CNNM2: variants seen among roughly 807,000 people sequenced by gnomAD.
CNNM2 encodes the protein metal transporter CNNM2.
In CNNM2, 12 loss-of-function variants were observed where a neutral mutation model predicts 66.9. The observed-to-expected ratio is 0.18, with a 90% CI of 0.11 to 0.29. The LOEUF is 0.29. CNNM2 is among the 10% of genes least tolerant of loss of function. The pLI is 1.00. For synonymous variants in CNNM2, 557 were observed against 501.8 expected (o/e 1.11, Z -1.47); for missense variants, 705 against 1,167.7 (o/e 0.60, Z 5.77).
intron 1 of CNNM2, among the ~76,000 whole-genome samples, chr10:102,950,295 G>T (rs867006116): frequency 6.6e-5 from 10 of 152,226 alleles, no homozygotes; most frequent in Admixed American, 2.0e-4. Context: ...AGTTATGAAG[G>T]TTACAGTTTC....
intron 6 of CNNM2, among the ~76,000 whole-genome samples, chr10:103,072,889 A>G (rs148964882): frequency 1.6e-4 from 25 of 152,358 alleles, no homozygotes; most frequent in South Asian, 1.2e-3. Flanking sequence ...TTTGCGGACT[A>G]GGGCCGCCCC....
intron 6 of CNNM2, among the ~76,000 whole-genome samples, chr10:103,072,175 C>G (rs1473696041): frequency 6.6e-6 from 1 of 152,160 alleles, no homozygotes; most frequent in African/African-American, 2.4e-5. Context: ...GTTCTTGGTT[C>G]TTATTCTGAC....
chr10:103,008,257 CTG>C (rs1402007650), intron 1 of CNNM2, among the ~76,000 whole-genome samples: 6 of 152,082 alleles, frequency 3.9e-5, no homozygotes, highest in South Asian at 4.1e-4. Flanking sequence ...TCAGGATCAA[CTG>C]TGTAATTTGT....
At chr10:102,988,009 A>AT (rs1417230006) in intron 1 of CNNM2, among the ~76,000 whole-genome samples, 2 of 152,162 alleles carry the variant, frequency 1.3e-5, no homozygotes, top group Non-Finnish European at 2.9e-5. Context: ...ATTTAGAAAT[A>AT]TTGAAAAGGC....
intron 1 of CNNM2, among the ~76,000 whole-genome samples, chr10:102,971,167 A>C (rs1378597060): frequency 6.6e-6 from 1 of 151,266 alleles, no homozygotes; most frequent in Non-Finnish European, 1.5e-5. Context: ...CCATTTACAC[A>C]ATCCAGCCTG....
chr10:103,087,117 CTCACGGTA>C lies in CNNM2; in HGVS notation c.*9939_*9946del, dbSNP rs2065825871. 1 of 122,098 alleles carries C rather than the reference CTCACGGTA, an allele frequency of 8.2e-6. No homozygotes were observed. Among genetic ancestry groups the C allele is most frequent in the Non-Finnish European group, 1.6e-5 (1 of 60,760 alleles). The allele number at this position is 122,098 out of a possible 1,614,324, so 7.6% of individuals were successfully genotyped here. On this transcript the variant is annotated 3_prime_UTR_variant, in exon 8 of 8. Coordinates refer to ENST00000369878, the MANE Select transcript of CNNM2 (RefSeq NM_017649.5). ...TCAAAAGAAGTGGCAGAATGGTCTTCTCACGGTATAAAACTCCGCAGGATTTTTTTTTT... is the reference window on the plus strand; with the variant it reads ...TCAAAAGAAGTGGCAGAATGGTCTTCTAAAACTCCGCAGGATTTTTTTTTT...
At chr10:102,972,639 A>T (rs1043910184) in intron 1 of CNNM2, among the ~76,000 whole-genome samples, 3 of 152,160 alleles carry the variant, frequency 2.0e-5, no homozygotes, top group Admixed American at 2.0e-4. Flanking sequence ...GTCTCAAAAT[A>T]AAAAAAGCTC....
At chr10:103,039,156 T>C (rs2134314216) in intron 1 of CNNM2, among the ~76,000 whole-genome samples, 1 of 152,294 alleles carries the variant, frequency 6.6e-6, no homozygotes, top group African/African-American at 2.4e-5. Context: ...TTTTTTGCTT[T>C]TTTTTTGAGA....
intron 1 of CNNM2, among the ~76,000 whole-genome samples, chr10:103,002,633 C>T (rs1249368726): frequency 1.3e-5 from 2 of 152,088 alleles, no homozygotes; most frequent in Non-Finnish European, 2.9e-5. Flanking sequence ...GCATGCGCCA[C>T]CACACCCGGC....
At chr10:102,981,428 G>A (rs926545623) in intron 1 of CNNM2, among the ~76,000 whole-genome samples, 1 of 151,404 alleles carries the variant, frequency 6.6e-6, no homozygotes, top group Non-Finnish European at 1.5e-5. Context: ...CCCACATCAG[G>A]ATCTTTGTTG....
chr10:102,930,053 A>G (rs1846014573), intron 1 of CNNM2, among the ~76,000 whole-genome samples: 2 of 152,326 alleles, frequency 1.3e-5, no homozygotes, highest in East Asian at 3.9e-4. Context: ...CAAGAGAAGA[A>G]AAGAGCTATG....
intron 1 of CNNM2, among the ~76,000 whole-genome samples, chr10:102,990,055 A>G (rs1056270346): frequency 4.0e-5 from 6 of 150,580 alleles, no homozygotes; most frequent in Non-Finnish European, 7.4e-5. Context: ...AGCGATTCTC[A>G]TGCCTCAGCC....
In CNNM2 at chr10:102,947,192, A is replaced by C. The variant is rs569827734; in HGVS notation, c.1621+27091A>C. On this transcript the variant is annotated intron_variant, in intron 1 of 7. Coordinates refer to ENST00000369878, the MANE Select transcript of CNNM2 (RefSeq NM_017649.5). ...ATTTTAATCATTTTCCTACTGCTTC[A>C]TAGGTACTATAATCCTTTTATAGTT... Among the ~76,000 whole-genome samples, 3 of 152,266 alleles carry C rather than the reference A, an allele frequency of 2.0e-5. No homozygotes were observed. In the South Asian group the frequency reaches 6.2e-4, roughly 32 times the overall value.
chr10:103,052,559 G>T (rs1179626996), intron 2 of CNNM2, among the ~76,000 whole-genome samples: 1 of 150,746 alleles, frequency 6.6e-6, no homozygotes, highest in African/African-American at 2.4e-5. Context: ...TATTGCCCAG[G>T]CTGGAGTGCA....
At chr10:102,997,585 C>T (rs1032233168) in intron 1 of CNNM2, among the ~76,000 whole-genome samples, 7 of 152,020 alleles carry the variant, frequency 4.6e-5, no homozygotes, top group African/African-American at 1.4e-4. Flanking sequence ...ATGTGGAAGT[C>T]ACATGCTGTA....
chr10:102,953,744 A>G (rs986290080), intron 1 of CNNM2, among the ~76,000 whole-genome samples: 13 of 151,666 alleles, frequency 8.6e-5, no homozygotes, highest in Non-Finnish European at 5.9e-5. Flanking sequence ...TATTTCTGGT[A>G]GAGACTGGGT....
chr10:103,066,766 T>C lies in CNNM2; in HGVS notation c.2074-1863T>C, dbSNP rs1186478649. Reference sequence around the variant, plus strand: ...AGCTCTTGTGTGCCATGTGGGCTGTTGCTTCTCATGTGCTCGCCTGTCCCT... The same window carrying C: ...AGCTCTTGTGTGCCATGTGGGCTGTCGCTTCTCATGTGCTCGCCTGTCCCT... On this transcript the variant is annotated intron_variant, in intron 4 of 7. Coordinates refer to ENST00000369878, the MANE Select transcript of CNNM2 (RefSeq NM_017649.5). 1.3e-5 allele frequency among the ~76,000 whole-genome samples: 2 copies of C among 152,248 alleles called. No homozygotes were observed. The highest frequency in any genetic ancestry group is 2.9e-5 in the Non-Finnish European group (2 of 68,046).
At chr10:103,026,248 T>C (rs1254759035) in intron 1 of CNNM2, among the ~76,000 whole-genome samples, 2 of 152,250 alleles carry the variant, frequency 1.3e-5, no homozygotes, top group African/African-American at 4.8e-5. Context: ...TTTTCTATTC[T>C]CTTAAGTTTT....
intron 1 of CNNM2, among the ~76,000 whole-genome samples, chr10:102,964,987 G>C (rs1028629989): frequency 9.2e-5 from 14 of 152,308 alleles, no homozygotes; most frequent in African/African-American, 3.4e-4. Context: ...TCTGCGGTGT[G>C]AAGACACAGC....
Sources: gnomAD v4.1 joint callset for allele counts (sites outside exome capture counted in the v4.1 genomes callset) on GRCh38, gnomAD v4.1.1 for gene constraint, MANE v1.5 for transcripts, NCBI Gene and HGNC (gene_info 2026-07-23, HGNC 2026-07-21) for gene names.